The following ABL1 variants were observed in gnomAD, a reference collection of about 807,000 sequenced individuals.
The protein encoded by ABL1 is tyrosine-protein kinase ABL1.
A neutral mutation model predicts 94.7 loss-of-function variants in ABL1; 11 were observed. That is an observed-to-expected ratio of 0.12 (90% CI 0.07 to 0.19). The LOEUF (loss-of-function observed/expected upper bound fraction) is 0.19, where lower values mean the gene tolerates loss of function less well. Ranked by LOEUF, ABL1 falls within the 10% of genes least tolerant of loss-of-function variation. ABL1 has a pLI of 1.00. For synonymous variants in ABL1, 656 were observed against 622.4 expected (o/e 1.05, Z -0.80); for missense variants, 1,082 against 1,489.4 (o/e 0.73, Z 4.50).
chr9:130,754,902 G>C (rs1832023808), intron 1 of ABL1, among the ~76,000 whole-genome samples: 2 of 152,162 alleles, frequency 1.3e-5, no homozygotes, highest in Admixed American at 1.3e-4. Flanking sequence ...GGCAAAGGGT[G>C]TTAGGAATGG....
intron 1 of ABL1, 36 bp from the exon 2 acceptor site, chr9:130,854,028 C>T: frequency 6.4e-7 from 1 of 1,554,032 alleles, no homozygotes; most frequent in Non-Finnish European, 8.7e-7. Context: ...TTTTCTCTTC[C>T]TTTTTCTTTT....
intron 1 of ABL1, among the ~76,000 whole-genome samples, chr9:130,784,997 C>T (rs537478554): frequency 1.3e-5 from 2 of 152,226 alleles, no homozygotes; most frequent in Non-Finnish European, 2.9e-5. Flanking sequence ...TTCAACCTGA[C>T]GACCAGTCTA....
chr9:130,744,330 A>T (rs1831857038), intron 1 of ABL1, among the ~76,000 whole-genome samples: 1 of 151,328 alleles, frequency 6.6e-6, no homozygotes, highest in South Asian at 2.1e-4. Flanking sequence ...TTTAGTAGAG[A>T]TGGGGTTTCA....
intron 1 of ABL1, among the ~76,000 whole-genome samples, chr9:130,802,081 T>C (rs953584885): frequency 8.6e-5 from 13 of 151,332 alleles, no homozygotes; most frequent in Middle Eastern, 3.4e-3. Flanking sequence ...GTCTGTTCAT[T>C]TTTTTCCTTC....
At chr9:130,745,236 C>T (rs868115556) in intron 1 of ABL1, among the ~76,000 whole-genome samples, 5 of 151,850 alleles carry the variant, frequency 3.3e-5, no homozygotes, top group African/African-American at 4.8e-5. Context: ...AGGCATGCGC[C>T]GCCACACCTG....
intron 1 of ABL1, among the ~76,000 whole-genome samples, chr9:130,778,489 G>A (rs1829700722): frequency 6.6e-6 from 1 of 152,134 alleles, no homozygotes; most frequent in Non-Finnish European, 1.5e-5. Context: ...GCTGGCTGCC[G>A]CTTCATATAC....
At chr9:130,766,063 A>G (rs1225425402) in intron 1 of ABL1, among the ~76,000 whole-genome samples, 1 of 152,196 alleles carries the variant, frequency 6.6e-6, no homozygotes, top group African/African-American at 2.4e-5. Flanking sequence ...GGTGCAGGTC[A>G]TCGCCCACGA....
chr9:130,723,237 C>T (rs938700215), intron 1 of ABL1, among the ~76,000 whole-genome samples: 12 of 152,070 alleles, frequency 7.9e-5, no homozygotes, highest in African/African-American at 2.9e-4. Context: ...ATGTCACTCC[C>T]CTGTGTGTTC....
chr9:130,887,611 GT>G lies in ABL1; in HGVS notation c.*1936del. 6 of 230,700 alleles carry G rather than the reference GT, an allele frequency of 2.6e-5. No homozygotes were observed. Among genetic ancestry groups the G allele is most frequent in the East Asian group, 6.2e-5 (1 of 16,230 alleles). 14.3% of individuals were successfully genotyped at this position (230,700 alleles called of 1,614,324 possible). On this transcript the variant is annotated 3_prime_UTR_variant, in exon 11 of 11. Coordinates refer to ENST00000318560, the MANE Select transcript of ABL1 (RefSeq NM_005157.6). The stretch of plus-strand genomic sequence containing the variant: ...TTGTTTCTGTATATGATTCTCTGTG[GT>G]TTTTTTTGAATCCAAATCTGTCCTC...
intron 1 of ABL1, among the ~76,000 whole-genome samples, chr9:130,821,085 A>C (rs1379579547): frequency 6.6e-6 from 1 of 152,020 alleles, no homozygotes; most frequent in Non-Finnish European, 1.5e-5. Context: ...ACGTGCCACC[A>C]TGCCCAGCTA....
In ABL1 at chr9:130,884,985, C is replaced by T. The variant is rs767171554; in HGVS notation, c.2695C>T (p.Pro899Ser). 72 of 1,610,916 alleles carry T rather than the reference C, an allele frequency of 4.5e-5. No homozygotes were observed. The highest frequency in any genetic ancestry group is 5.9e-5 in the Non-Finnish European group (70 of 1,179,354). The change falls in exon 11 of 11, where the codon CCG becomes TCG. Residue 899 changes from proline (P) to serine (S), a missense_variant. Transcript: ENST00000318560. The surrounding 1 kb of genome is among the most constrained non-coding windows in gnomAD (Gnocchi z 5.6). ...GAAATTGTCCAGGCTCAAACCTGCC[C>T]CGCCGCCCCCACCAGCAGCCTCTGC... ...KGKLSRLKPA[P>S]PPPPAASAGK...
chr9:130,742,785 A>G (rs1156909130), intron 1 of ABL1, among the ~76,000 whole-genome samples: 1 of 152,136 alleles, frequency 6.6e-6, no homozygotes, highest in Non-Finnish European at 1.5e-5. Context: ...GTATGTTTAT[A>G]TGTATATCAG....
intron 1 of ABL1, among the ~76,000 whole-genome samples, chr9:130,728,052 T>G (rs1831611382): frequency 6.6e-6 from 1 of 151,728 alleles, no homozygotes; most frequent in Non-Finnish European, 1.5e-5. Context: ...TACTCTCAGT[T>G]TTTGCCTCTT....
At position 130,736,761 on chromosome 9, in the gene ABL1, G is replaced by C. The variant is rs564919912; in HGVS notation, c.136+22306G>C. 1.6e-3 allele frequency among the ~76,000 whole-genome samples: 241 copies of C among 152,348 alleles called. 3 individuals carry two copies. Among genetic ancestry groups the C allele is most frequent in the African/African-American group, 5.7e-3 (235 of 41,586 alleles). ...CCACCTCGGCCTCCCAAAGTGCTGG[G>C]ATTACAGGCGTGAGCCACTGTGCCC... On this transcript the variant is annotated intron_variant, in intron 1 of 10. Coordinates refer to the ABL1 transcript ENST00000372348.
intron 4 of ABL1, among the ~76,000 whole-genome samples, chr9:130,869,272 A>G (rs1831211131): frequency 6.6e-6 from 1 of 152,250 alleles, no homozygotes; most frequent in South Asian, 2.1e-4. Flanking sequence ...TGTTTTCTAC[A>G]AGCTATCTGT....
intron 1 of ABL1, among the ~76,000 whole-genome samples, chr9:130,785,004 T>C (rs902397794): frequency 3.3e-5 from 5 of 152,202 alleles, no homozygotes. Flanking sequence ...TGACGACCAG[T>C]CTACCCTCTC....
chr9:130,883,649 C>T (rs187687103), intron 10 of ABL1, among the ~76,000 whole-genome samples: 23 of 152,210 alleles, frequency 1.5e-4, no homozygotes, highest in African/African-American at 4.8e-4. Flanking sequence ...AGTATAAAAA[C>T]GATGACAAGG....
chr9:130,792,651 T>C (rs1008058752), intron 1 of ABL1, among the ~76,000 whole-genome samples: 26 of 152,160 alleles, frequency 1.7e-4, no homozygotes, highest in African/African-American at 6.3e-4. Flanking sequence ...AAGAGATAGT[T>C]CAAATAATAT....
intron 1 of ABL1, among the ~76,000 whole-genome samples, chr9:130,751,873 T>C (rs1373538205): frequency 6.6e-6 from 1 of 152,176 alleles, no homozygotes; most frequent in Admixed American, 6.5e-5. Flanking sequence ...TGTATCCAAC[T>C]TGCAGACCCT....
Sources: gnomAD v4.1 joint callset for allele counts (sites outside exome capture counted in the v4.1 genomes callset) on GRCh38, gnomAD v4.1.1 for gene constraint, Gnocchi (gnomAD v3.1) non-coding constraint, MANE v1.5 for transcripts, NCBI Gene and HGNC (gene_info 2026-07-23, HGNC 2026-07-21) for gene names.